The following FGF12 variants were observed in gnomAD, a reference collection of about 807,000 sequenced individuals.
The protein encoded by FGF12 is fibroblast growth factor 12.
FGF12 carries 14 observed loss-of-function variants against 23.6 expected under a neutral mutation model. That is an observed-to-expected ratio of 0.59 (90% CI 0.39 to 0.93). FGF12 has a LOEUF of 0.93. Among genes scored for constraint, FGF12 ranks in the 40% least tolerant of loss-of-function variants. FGF12 has a pLI of 0.00. For synonymous variants in FGF12, 62 were observed against 77.3 expected (o/e 0.80, Z 1.04); for missense variants, 175 against 217.8 (o/e 0.80, Z 1.24).
At chr3:192,698,934 T>C (rs1718210720) in intron 2 of FGF12, among the ~76,000 whole-genome samples, 1 of 150,954 alleles carries the variant, frequency 6.6e-6, no homozygotes, top group Admixed American at 6.6e-5. Context: ...CCATTTTCAG[T>C]ATTAGTCCCC....
chr3:192,481,093 A>T (rs992695477), intron 2 of FGF12, among the ~76,000 whole-genome samples: 3 of 152,192 alleles, frequency 2.0e-5, no homozygotes, highest in African/African-American at 7.2e-5. Flanking sequence ...AGTAACTATA[A>T]TGCTGAAAGA....
chr3:192,384,452 C>A (rs930611069), intron 2 of FGF12, among the ~76,000 whole-genome samples: 3 of 152,114 alleles, frequency 2.0e-5, no homozygotes, highest in Admixed American at 6.5e-5. Flanking sequence ...ATTTAGAACA[C>A]AGGAGATTGG....
intron 4 of FGF12, among the ~76,000 whole-genome samples, chr3:192,176,398 G>A (rs74775511): frequency 0.013 from 1,988 of 152,336 alleles, 41 homozygotes; most frequent in African/African-American, 0.045. Flanking sequence ...AGCAGACAAT[G>A]TGAGCTTTAG....
intron 4 of FGF12, among the ~76,000 whole-genome samples, chr3:192,196,278 A>G (rs1464966203): frequency 1.3e-5 from 2 of 152,144 alleles, no homozygotes; most frequent in Non-Finnish European, 2.9e-5. Flanking sequence ...AAAAGAGTCC[A>G]TCAACTTTAA....
At chr3:192,229,437 T>C (rs905971677) in intron 4 of FGF12, among the ~76,000 whole-genome samples, 1 of 152,092 alleles carries the variant, frequency 6.6e-6, no homozygotes, top group Non-Finnish European at 1.5e-5. Flanking sequence ...GCAGGTATTC[T>C]GGCCCCTGTG....
intron 4 of FGF12, among the ~76,000 whole-genome samples, chr3:192,178,821 C>T (rs1346673867): frequency 1.3e-5 from 2 of 152,144 alleles, no homozygotes; most frequent in Non-Finnish European, 2.9e-5. Flanking sequence ...ATGTATATAA[C>T]CACCTTCTCT....
chr3:192,289,427 AAAGG>A (rs1344733269), intron 4 of FGF12, among the ~76,000 whole-genome samples: 4 of 152,172 alleles, frequency 2.6e-5, no homozygotes, highest in Non-Finnish European at 2.9e-5. Context: ...TTTTGTGCCA[AAAGG>A]AAGGTAAGAA....
At chr3:192,668,689 G>A (rs891067742) in intron 2 of FGF12, among the ~76,000 whole-genome samples, 5 of 151,976 alleles carry the variant, frequency 3.3e-5, no homozygotes, top group African/African-American at 9.7e-5. Context: ...CATCGTGTAG[G>A]TCCCAGAATT....
intron 2 of FGF12, among the ~76,000 whole-genome samples, chr3:192,611,363 T>C (rs985127060): frequency 3.3e-5 from 5 of 152,040 alleles, no homozygotes; most frequent in Non-Finnish European, 7.4e-5. Context: ...TTATCAGGGA[T>C]TGTCTTTTTA....
Position 192,245,503 on chromosome 3 carries a change from A to G in FGF12, c.229-74847T>C, listed in dbSNP as rs1413541640. Reference sequence around the variant, plus strand: ...ATAACACTTCCTCCTACATGTGAGCATCAGAAATATTTAATCAGGAAGTAA... The same window carrying G: ...ATAACACTTCCTCCTACATGTGAGCGTCAGAAATATTTAATCAGGAAGTAA... On this transcript the variant is annotated intron_variant, in intron 4 of 5. Transcript: ENST00000445105. Among the ~76,000 whole-genome samples, 9 of 152,166 alleles carry G rather than the reference A, an allele frequency of 5.9e-5. 2 individuals carry two copies. Among genetic ancestry groups the G allele is most frequent in the Admixed American group, 4.6e-4 (7 of 15,284 alleles).
intron 4 of FGF12, among the ~76,000 whole-genome samples, chr3:192,233,458 G>A (rs1719128812): frequency 6.6e-6 from 1 of 152,102 alleles, no homozygotes; most frequent in Non-Finnish European, 1.5e-5. Flanking sequence ...TTAGACCTTT[G>A]TTGGATGCAT....
chr3:192,704,793 A>G (rs1255571928), intron 2 of FGF12, among the ~76,000 whole-genome samples: 1 of 152,242 alleles, frequency 6.6e-6, no homozygotes, highest in Non-Finnish European at 1.5e-5. Flanking sequence ...CACCTTTGTC[A>G]ATTATCTCAG....
intron 2 of FGF12, among the ~76,000 whole-genome samples, chr3:192,636,559 T>G (rs1715592261): frequency 6.6e-6 from 1 of 152,246 alleles, no homozygotes; most frequent in South Asian, 2.1e-4. Flanking sequence ...TTCTCCTTCA[T>G]GAGTCAAGGA....
intron 2 of FGF12, among the ~76,000 whole-genome samples, chr3:192,690,890 T>C (rs1717923602): frequency 6.6e-6 from 1 of 152,064 alleles, no homozygotes; most frequent in Non-Finnish European, 1.5e-5. Flanking sequence ...AGGTAGCTTT[T>C]ATATTGGAAA....
intron 4 of FGF12, 104 bp downstream of exon 4, chr3:192,335,257 A>G (rs1160898471): frequency 2.7e-6 from 2 of 743,346 alleles, no homozygotes; most frequent in South Asian, 1.8e-5. Context: ...AAAATATAAA[A>G]TGACTTCAAC....
intron 4 of FGF12, among the ~76,000 whole-genome samples, chr3:192,303,580 A>T (rs1306317807): frequency 6.6e-6 from 1 of 152,226 alleles, no homozygotes; most frequent in East Asian, 1.9e-4. Context: ...ACCAGGGACT[A>T]TTAGAATTTC....
At chr3:192,249,151 G>C (rs1405652133) in intron 4 of FGF12, among the ~76,000 whole-genome samples, 1 of 152,082 alleles carries the variant, frequency 6.6e-6, no homozygotes, top group East Asian at 1.9e-4. Flanking sequence ...AGTTTTTTGA[G>C]GAAAGGTATG....
chr3:192,243,160 T>C (rs180999038), intron 4 of FGF12, among the ~76,000 whole-genome samples: 23 of 152,136 alleles, frequency 1.5e-4, no homozygotes, highest in African/African-American at 5.3e-4. Context: ...GATGTTAACC[T>C]TAAATATATC....
intron 2 of FGF12, among the ~76,000 whole-genome samples, chr3:192,611,637 AAAG>A (rs1189127739): frequency 6.6e-6 from 1 of 152,016 alleles, no homozygotes; most frequent in Admixed American, 6.6e-5. Context: ...CTGGTTTCAG[AAAG>A]AAGAACAGAG....
Sources: allele counts gnomAD v4.1 joint callset (sites outside exome capture counted in the v4.1 genomes callset), GRCh38; gene constraint gnomAD v4.1.1; transcripts MANE v1.5; gene names NCBI Gene and HGNC (gene_info 2026-07-23, HGNC 2026-07-21).